The following STXBP5L variants were observed in gnomAD, a reference collection of about 807,000 sequenced individuals.
STXBP5L encodes the protein syntaxin-binding protein 5-like.
In STXBP5L, 65 loss-of-function variants were observed where a neutral mutation model predicts 144.5. The ratio of observed to expected loss-of-function variants is 0.45; its 90% CI spans 0.37 to 0.55. The LOEUF (loss-of-function observed/expected upper bound fraction) is 0.55. STXBP5L is among the 20% of genes least tolerant of loss of function. STXBP5L has a pLI of 0.00. For synonymous variants in STXBP5L, 505 were observed against 469.6 expected (o/e 1.08, Z -0.97); for missense variants, 1,298 against 1,405.5 (o/e 0.92, Z 1.22).
At chr3:121,346,508 A>G (rs2044992430) in intron 20 of STXBP5L, among the ~76,000 whole-genome samples, 2 of 152,064 alleles carry the variant, frequency 1.3e-5, no homozygotes, top group Non-Finnish European at 2.9e-5. Flanking sequence ...CTAGTACTAG[A>G]TCCCTGAGGA....
At chr3:121,287,842 G>A (rs997826848) in intron 19 of STXBP5L, among the ~76,000 whole-genome samples, 1 of 151,924 alleles carries the variant, frequency 6.6e-6, no homozygotes, top group Non-Finnish European at 1.5e-5. Context: ...AAAAAAGAAA[G>A]ACCCACACAT....
At chr3:121,094,259 G>A (rs902148333) in intron 5 of STXBP5L, among the ~76,000 whole-genome samples, 3 of 152,272 alleles carry the variant, frequency 2.0e-5, no homozygotes, top group East Asian at 3.9e-4. Flanking sequence ...TTGATTTGGG[G>A]TGGAGAGTTC....
At chr3:121,267,135 G>A (rs1370882695) in intron 18 of STXBP5L, among the ~76,000 whole-genome samples, 2 of 152,138 alleles carry the variant, frequency 1.3e-5, no homozygotes, top group South Asian at 2.1e-4. Context: ...AAAGCTGGAG[G>A]CATCATGCTA....
intron 3 of STXBP5L, among the ~76,000 whole-genome samples, chr3:120,971,522 A>G (rs1940251023): frequency 1.3e-5 from 2 of 151,324 alleles, no homozygotes; most frequent in Admixed American, 6.6e-5. Flanking sequence ...ATTTCTTTCT[A>G]TTTCTGAGTC....
At chr3:121,057,896 C>T (rs1948572413) in intron 5 of STXBP5L, among the ~76,000 whole-genome samples, 1 of 151,936 alleles carries the variant, frequency 6.6e-6, no homozygotes, top group African/African-American at 2.4e-5. Flanking sequence ...ATACTATAGC[C>T]TGACTCATCA....
In STXBP5L at chr3:121,257,289, T is replaced by C; in HGVS notation, c.1788T>C (p.Thr596=). The C allele has an allele frequency of 1.2e-6, 2 of 1,613,400 alleles. No individual in the cohort carries two copies. The highest frequency in any genetic ancestry group is 1.7e-6 in the Non-Finnish European group (2 of 1,179,550). ...GGAGTCTTTCTGGGAGCACTAACAC[T>C]GTTGCTAGTGAAGGAGTAACAAAGG... ...SSRSLSGSTN[T]VASEGVTKDS... The change falls in exon 17 of 27, where the codon ACT becomes ACC. Residue 596 remains threonine (T), a synonymous_variant. Transcript: ENST00000471454.
intron 11 of STXBP5L, 139 bp from the exon 12 acceptor site, chr3:121,233,477 T>C: frequency 7.7e-6 from 4 of 522,686 alleles, no homozygotes; most frequent in Non-Finnish European, 1.3e-5. Flanking sequence ...GTGCTCTTTG[T>C]TACTTCTTAC....
chr3:121,050,923 G>A (rs1339162459), intron 5 of STXBP5L, among the ~76,000 whole-genome samples: 9 of 152,206 alleles, frequency 5.9e-5, no homozygotes, highest in African/African-American at 2.2e-4. Context: ...AAAAAAAGCA[G>A]GGGTTGCAAT....
At chr3:121,292,720 G>A (rs1200489181) in intron 19 of STXBP5L, among the ~76,000 whole-genome samples, 8 of 152,192 alleles carry the variant, frequency 5.3e-5, no homozygotes, top group Admixed American at 5.2e-4. Flanking sequence ...GTAATGAAAT[G>A]ATGGCATTTG....
At chr3:121,228,856 G>A (rs902899499) in intron 11 of STXBP5L, among the ~76,000 whole-genome samples, 4 of 152,172 alleles carry the variant, frequency 2.6e-5, no homozygotes, top group Non-Finnish European at 4.4e-5. Context: ...CAACCTGGGC[G>A]ATAGAGTGAG....
intron 19 of STXBP5L, among the ~76,000 whole-genome samples, chr3:121,306,219 A>G (rs2043333440): frequency 2.0e-5 from 3 of 152,162 alleles, no homozygotes; most frequent in Non-Finnish European, 4.4e-5. Context: ...AGTCTGTGGC[A>G]CTTGAACCAC....
chr3:121,227,671 G>T (rs930154242), intron 11 of STXBP5L, among the ~76,000 whole-genome samples: 7 of 152,076 alleles, frequency 4.6e-5, no homozygotes, highest in Non-Finnish European at 1.0e-4. Flanking sequence ...AACTGTGGAT[G>T]ACAAAAACCC....
At chr3:121,023,815 G>A (rs536147096) in intron 3 of STXBP5L, among the ~76,000 whole-genome samples, 30 of 152,272 alleles carry the variant, frequency 2.0e-4, no homozygotes, top group African/African-American at 6.5e-4. Context: ...GAGTGCAGTG[G>A]TGCAATCTTG....
intron 20 of STXBP5L, among the ~76,000 whole-genome samples, chr3:121,325,847 A>G (rs1449924773): frequency 6.6e-6 from 1 of 151,930 alleles, no homozygotes; most frequent in Non-Finnish European, 1.5e-5. Flanking sequence ...ATTTTGTATG[A>G]ATGGAGAAAT....
At chr3:121,303,254 A>T (rs1326373766) in intron 19 of STXBP5L, among the ~76,000 whole-genome samples, 4 of 152,202 alleles carry the variant, frequency 2.6e-5, no homozygotes. Flanking sequence ...AGACATTTAC[A>T]CAGCCAAAAG....
chr3:120,988,318 A>G (rs184475197), intron 3 of STXBP5L, among the ~76,000 whole-genome samples: 1 of 151,540 alleles, frequency 6.6e-6, no homozygotes, highest in East Asian at 1.9e-4. Context: ...ATTTAGTTAT[A>G]TTTATTTTTC....
chr3:121,053,848 G>T (rs1948228519), intron 5 of STXBP5L, among the ~76,000 whole-genome samples: 1 of 151,944 alleles, frequency 6.6e-6, no homozygotes, highest in South Asian at 2.1e-4. Flanking sequence ...ATCTGACAAA[G>T]GGCTAATATC....
chr3:121,066,382 G>A (rs939491160), intron 5 of STXBP5L, among the ~76,000 whole-genome samples: 16 of 129,300 alleles, frequency 1.2e-4, no homozygotes, highest in Admixed American at 2.4e-4. Context: ...ATATATATAC[G>A]CTTATAGGAA....
chr3:120,911,052 T>C (rs1392782281), intron 2 of STXBP5L, among the ~76,000 whole-genome samples: 5 of 152,110 alleles, frequency 3.3e-5, no homozygotes, highest in Non-Finnish European at 7.4e-5. Flanking sequence ...CTCTAATCTT[T>C]GATGTGTTTG....
Sources: allele counts gnomAD v4.1 joint callset (sites outside exome capture counted in the v4.1 genomes callset), GRCh38; gene constraint gnomAD v4.1.1; transcripts MANE v1.5; gene names NCBI Gene and HGNC (gene_info 2026-07-23, HGNC 2026-07-21).